The following LRRC7 variants were observed in gnomAD, a reference collection of about 807,000 sequenced individuals.
LRRC7 encodes leucine rich repeat containing 7.
LRRC7 carries 23 observed loss-of-function variants against 175.7 expected under a neutral mutation model. That is an observed-to-expected ratio of 0.13 (90% CI 0.09 to 0.19). LRRC7 has a LOEUF of 0.19. Ranked by LOEUF, LRRC7 falls within the 10% of genes least tolerant of loss-of-function variation. The pLI is 1.00. For synonymous variants in LRRC7, 685 were observed against 680.9 expected, an observed-to-expected ratio of 1.01 and a Z score of -0.09; for missense variants, 1,354 against 1,904.7, an observed-to-expected ratio of 0.71 and a Z score of 5.38.
intron 8 of LRRC7, among the ~76,000 whole-genome samples, chr1:69,943,007 A>G (rs932929621): frequency 2.0e-5 from 3 of 152,112 alleles, no homozygotes; most frequent in African/African-American, 7.2e-5. Context: ...AGCTATCATT[A>G]GTGTTAGTAT....
chr1:70,023,735 C>G (rs1192945054), intron 17 of LRRC7, among the ~76,000 whole-genome samples: 2 of 151,908 alleles, frequency 1.3e-5, no homozygotes, highest in Non-Finnish European at 2.9e-5. Flanking sequence ...CACATATATG[C>G]ACATTTTTTA....
At chr1:69,978,675 A>G (rs931160611) in intron 8 of LRRC7, among the ~76,000 whole-genome samples, 3 of 152,218 alleles carry the variant, frequency 2.0e-5, no homozygotes, top group African/African-American at 4.8e-5. Context: ...TTGCAAGCAC[A>G]GGCTAAAGGA....
intron 2 of LRRC7, among the ~76,000 whole-genome samples, chr1:69,724,626 C>T (rs1056555666): frequency 2.6e-5 from 4 of 152,046 alleles, no homozygotes; most frequent in African/African-American, 9.7e-5. Flanking sequence ...GCTTTTTTAA[C>T]AGTAGGATTT....
chr1:69,912,011 A>C (rs991743101), intron 7 of LRRC7, among the ~76,000 whole-genome samples: 1 of 152,310 alleles, frequency 6.6e-6, no homozygotes, highest in East Asian at 1.9e-4. Flanking sequence ...TGTATCATGT[A>C]TTTACATTGT....
chr1:69,918,988 G>A (rs991201291), intron 7 of LRRC7, among the ~76,000 whole-genome samples: 78 of 152,264 alleles, frequency 5.1e-4, no homozygotes, highest in African/African-American at 1.8e-3. Context: ...CGGGCATGAA[G>A]TTATGAACCA....
intron 1 of LRRC7, among the ~76,000 whole-genome samples, chr1:69,622,327 C>T (rs1052178726): frequency 6.6e-6 from 1 of 152,036 alleles, no homozygotes; most frequent in African/African-American, 2.4e-5. Flanking sequence ...TTAATTATTC[C>T]ACAAATGACT....
intron 1 of LRRC7, among the ~76,000 whole-genome samples, chr1:69,625,909 G>T (rs1312523226): frequency 5.9e-5 from 9 of 152,066 alleles, no homozygotes; most frequent in Non-Finnish European, 7.4e-5. Flanking sequence ...TGTGTGTTTT[G>T]CCATTGGTCT....
At chr1:70,112,935 G>A (rs7521532) in intron 26 of LRRC7, among the ~76,000 whole-genome samples, 19,507 of 152,048 alleles carry the variant, frequency 0.13, 1,736 homozygotes, top group African/African-American at 0.25. Flanking sequence ...CCCCAGACTC[G>A]TGTGTTAGAG....
intron 11 of LRRC7, among the ~76,000 whole-genome samples, chr1:69,998,607 C>T (rs886193990): frequency 6.6e-6 from 1 of 151,936 alleles, no homozygotes; most frequent in South Asian, 2.1e-4. Context: ...GGTCAATACT[C>T]GGGGAAACTG....
In LRRC7 at chr1:69,609,435, A is replaced by T. The variant is rs373186309; in HGVS notation, c.2+40794A>T. Among the ~76,000 whole-genome samples, 3 of 152,006 alleles carry T rather than the reference A, an allele frequency of 2.0e-5. No homozygotes were observed. The East Asian group carries it at 5.8e-4, about 29-fold the overall frequency. ...CTTAATTTTTTTCATATATATACAT[A>T]GAGAGAGGAAATAAAGTAAAAGTGC... On this transcript the variant is annotated intron_variant, in intron 1 of 26. Transcript: ENST00000651989.
chr1:69,966,250 A>T (rs960654924), intron 8 of LRRC7, among the ~76,000 whole-genome samples: 1 of 152,178 alleles, frequency 6.6e-6, no homozygotes, highest in South Asian at 2.1e-4. Flanking sequence ...ATTAATTCAG[A>T]TTAAAATTTT....
chr1:70,115,262 T>A (rs1459789857), intron 26 of LRRC7, among the ~76,000 whole-genome samples: 2 of 152,236 alleles, frequency 1.3e-5, no homozygotes. Context: ...GACAACCAAT[T>A]GCTGGGCAGA....
Position 70,110,412 on chromosome 1 carries a change from T to C in LRRC7, c.4620+2586T>C, listed in dbSNP as rs185073659. ...TAAAAAATAAAAATAAAGACATTAGTGTCTACTTGCAAGGTATTAGAATGC... is the reference window on the plus strand; with the variant it reads ...TAAAAAATAAAAATAAAGACATTAGCGTCTACTTGCAAGGTATTAGAATGC... On this transcript the variant is annotated intron_variant, in intron 26 of 26. Coordinates refer to ENST00000651989, the MANE Select transcript of LRRC7 (RefSeq NM_001370785.2). Among the ~76,000 whole-genome samples the C allele has an allele frequency of 2.1e-4, 32 of 152,156 alleles. No individual in the cohort carries two copies. In the East Asian group the frequency reaches 2.7e-3, roughly 13 times the overall value.
At chr1:69,735,708 G>T (rs1480308452) in intron 2 of LRRC7, among the ~76,000 whole-genome samples, 1 of 152,034 alleles carries the variant, frequency 6.6e-6, no homozygotes, top group Non-Finnish European at 1.5e-5. Context: ...ATTTGGGACT[G>T]CAAGATGGAC....
intron 1 of LRRC7, among the ~76,000 whole-genome samples, chr1:69,577,633 G>T (rs1025895590): frequency 8.5e-5 from 13 of 152,242 alleles, no homozygotes; most frequent in African/African-American, 2.9e-4. Flanking sequence ...TTATTAAATA[G>T]GGAATCCTTT....
rs1172403797 is a variant in LRRC7, at chr1:70,082,781, A to AT, written c.4452+6514dup. 2.4e-3 allele frequency among the ~76,000 whole-genome samples: 123 copies of AT among 52,286 alleles called. 16 individuals are homozygous for AT. Among genetic ancestry groups the AT allele is most frequent in the East Asian group, 4.3e-3 (6 of 1,408 alleles). 34.3% of individuals were successfully genotyped at this position (52,286 alleles called of 152,430 possible). A position where few individuals can be genotyped will look rare whatever the true frequency, so the allele number is the denominator to read the frequency against. On this transcript the variant is annotated intron_variant, in intron 24 of 26. Coordinates refer to ENST00000651989, the MANE Select transcript of LRRC7 (RefSeq NM_001370785.2). ...TATTAGTCAATCTTGATACCAGTAC[A>AT]TTTTTTTTTTTTTTTTTTTTTTTTT...
chr1:69,980,331 T>A, intron 8 of LRRC7, 48 bp from the exon 9 acceptor site: 1 of 1,401,052 alleles, frequency 7.1e-7, no homozygotes, highest in Non-Finnish European at 1.0e-6. Context: ...AAGTAAAAAC[T>A]AATTTAATTT....
chr1:69,624,627 T>C (rs1333909855), intron 1 of LRRC7, among the ~76,000 whole-genome samples: 1 of 151,912 alleles, frequency 6.6e-6, no homozygotes, highest in Non-Finnish European at 1.5e-5. Flanking sequence ...TTCCAAAAGT[T>C]CTTTGATTTT....
chr1:69,876,608 A>G (rs554321725), intron 7 of LRRC7, among the ~76,000 whole-genome samples: 6 of 152,258 alleles, frequency 3.9e-5, no homozygotes, highest in Admixed American at 2.0e-4. Flanking sequence ...AATTCTTCCA[A>G]CCCTCACACA....
Sources: allele counts gnomAD v4.1 joint callset (sites outside exome capture counted in the v4.1 genomes callset), GRCh38; gene constraint gnomAD v4.1.1; transcripts MANE v1.5; gene names NCBI Gene and HGNC (gene_info 2026-07-23, HGNC 2026-07-21).